Variants in NLK observed in about 807,000 individuals in gnomAD.
NLK encodes nemo like kinase, also known as serine/threonine-protein kinase NLK.
A neutral mutation model predicts 59.0 loss-of-function variants in NLK; 11 were observed. The ratio of observed to expected loss-of-function variants is 0.19; its 90% CI spans 0.12 to 0.31. NLK has a LOEUF of 0.31. Ranked by LOEUF, NLK falls within the 10% of genes least tolerant of loss-of-function variation. NLK has a pLI of 1.00. For missense variants in NLK, 410 were observed against 661.1 expected (o/e 0.62, Z 4.16); for synonymous variants, 235 against 235.9 (o/e 1.00, Z 0.03).
At chr17:28,135,360 G>A (rs1004840537) in intron 3 of NLK, among the ~76,000 whole-genome samples, 6 of 152,202 alleles carry the variant, frequency 3.9e-5, no homozygotes, top group African/African-American at 9.7e-5. Flanking sequence ...GCACCCATGT[G>A]AGTGACCTTA....
At chr17:28,154,310 C>T (rs1044909201) in intron 3 of NLK, among the ~76,000 whole-genome samples, 1 of 152,126 alleles carries the variant, frequency 6.6e-6, no homozygotes, top group Non-Finnish European at 1.5e-5. Context: ...ATCTTCTTCC[C>T]TCACCCTGCT....
intron 7 of NLK, among the ~76,000 whole-genome samples, chr17:28,182,956 A>G (rs936687190): frequency 1.3e-5 from 2 of 152,242 alleles, no homozygotes; most frequent in African/African-American, 4.8e-5. Flanking sequence ...TGGGCATTAT[A>G]TAAAACAAGA....
chr17:28,177,401 T>G (rs577757051), intron 7 of NLK, among the ~76,000 whole-genome samples: 7 of 152,234 alleles, frequency 4.6e-5, no homozygotes, highest in Non-Finnish European at 1.0e-4. Flanking sequence ...TAGTCAAGAC[T>G]CTTTCCAGTG....
intron 3 of NLK, among the ~76,000 whole-genome samples, chr17:28,151,317 T>C (rs1021512316): frequency 6.6e-6 from 1 of 152,198 alleles, no homozygotes; most frequent in Admixed American, 6.5e-5. Context: ...TGTGTATTGC[T>C]TCTGAATTTT....
At chr17:28,121,840 T>C (rs1906075727) in intron 1 of NLK, among the ~76,000 whole-genome samples, 1 of 151,924 alleles carries the variant, frequency 6.6e-6, no homozygotes, top group Admixed American at 6.6e-5. Flanking sequence ...ATCAACTGGG[T>C]TCAGTCAGAA....
At chr17:28,150,901 G>T (rs975379832) in intron 3 of NLK, among the ~76,000 whole-genome samples, 1 of 152,042 alleles carries the variant, frequency 6.6e-6, no homozygotes, top group Admixed American at 6.6e-5. Context: ...CCTTAACTTT[G>T]GTCCTATAGT....
At chr17:28,161,704 A>G (rs1349896532) in intron 4 of NLK, among the ~76,000 whole-genome samples, 2 of 152,084 alleles carry the variant, frequency 1.3e-5, no homozygotes, top group Non-Finnish European at 2.9e-5. Context: ...CCTGAAGCCA[A>G]CTCCAGAGAA....
intron 3 of NLK, among the ~76,000 whole-genome samples, chr17:28,138,954 T>C (rs1194861521): frequency 6.6e-6 from 1 of 152,138 alleles, no homozygotes; most frequent in Non-Finnish European, 1.5e-5. Flanking sequence ...GGTTGGAAAG[T>C]ATACTGATAG....
At chr17:28,165,874 A>T (rs546933059) in intron 5 of NLK, among the ~76,000 whole-genome samples, 2 of 152,284 alleles carry the variant, frequency 1.3e-5, no homozygotes, top group African/African-American at 4.8e-5. Context: ...TTTGGTTTTT[A>T]AAAATATCCT....
intron 2 of NLK, among the ~76,000 whole-genome samples, chr17:28,124,204 C>G (rs1002215675): frequency 5.3e-5 from 8 of 152,212 alleles, no homozygotes; most frequent in African/African-American, 1.7e-4. Flanking sequence ...AACTGCCTAG[C>G]AATATGCTTG....
chr17:28,056,663 A>G (rs1311330819), intron 1 of NLK, among the ~76,000 whole-genome samples: 1 of 152,156 alleles, frequency 6.6e-6, no homozygotes, highest in Non-Finnish European at 1.5e-5. Context: ...GTGAAGAACA[A>G]CTCAGTCTTT....
chr17:28,193,413 C>T (rs906163163), intron 10 of NLK, among the ~76,000 whole-genome samples: 1 of 152,086 alleles, frequency 6.6e-6, no homozygotes, highest in Non-Finnish European at 1.5e-5. Context: ...CAGGAGAGTT[C>T]GGGTGGACCA....
intron 1 of NLK, among the ~76,000 whole-genome samples, chr17:28,069,296 A>G (rs186395238): frequency 8.7e-4 from 133 of 152,336 alleles, no homozygotes; most frequent in African/African-American, 2.8e-3. Flanking sequence ...CAGTGTATGA[A>G]TATAGCACAG....
intron 1 of NLK, among the ~76,000 whole-genome samples, chr17:28,122,342 A>C (rs1444904569): frequency 6.6e-6 from 1 of 152,156 alleles, no homozygotes; most frequent in Non-Finnish European, 1.5e-5. Flanking sequence ...CCTCTCTGAA[A>C]GAGTAAGTGT....
At chr17:28,110,416 CTTGAA>C (rs1374515821) in intron 1 of NLK, among the ~76,000 whole-genome samples, 1 of 149,078 alleles carries the variant, frequency 6.7e-6, no homozygotes, top group African/African-American at 2.5e-5. Context: ...TTTTCTTTGA[CTTGAA>C]TTGATGTTTG....
At chr17:28,136,905 A>G (rs1354171618) in intron 3 of NLK, among the ~76,000 whole-genome samples, 2 of 147,574 alleles carry the variant, frequency 1.4e-5, no homozygotes, top group African/African-American at 2.5e-5. Flanking sequence ...GTGCCTGGCC[A>G]TGTGTCCTGT....
At chr17:28,139,084 C>T (rs565167059) in intron 3 of NLK, among the ~76,000 whole-genome samples, 9 of 152,128 alleles carry the variant, frequency 5.9e-5, no homozygotes, top group Non-Finnish European at 1.2e-4. Flanking sequence ...GGCGAAACCC[C>T]GTCTCTACTA....
At chr17:28,112,590 A>AG (rs1905573495) in intron 1 of NLK, among the ~76,000 whole-genome samples, 1 of 152,078 alleles carries the variant, frequency 6.6e-6, no homozygotes, top group Non-Finnish European at 1.5e-5. Context: ...AGTTGTTTTG[A>AG]GGGGAAAGGA....
chr17:28,182,889 T>C (rs1433553401), intron 7 of NLK, among the ~76,000 whole-genome samples: 3 of 152,236 alleles, frequency 2.0e-5, no homozygotes, highest in Non-Finnish European at 4.4e-5. Flanking sequence ...GAAACACATA[T>C]GTTTTTTAAA....
Sources: gnomAD v4.1 joint callset for allele counts (sites outside exome capture counted in the v4.1 genomes callset) on GRCh38, gnomAD v4.1.1 for gene constraint, MANE v1.5 for transcripts, NCBI Gene and HGNC (gene_info 2026-07-23, HGNC 2026-07-21) for gene names.